Variants in DLG5 observed in about 807,000 individuals in gnomAD.
The protein encoded by DLG5 is discs large MAGUK scaffold protein 5.
DLG5 carries 48 observed loss-of-function variants against 189.8 expected under a neutral mutation model. That is an observed-to-expected ratio of 0.25 (90% CI 0.20 to 0.32). The LOEUF (loss-of-function observed/expected upper bound fraction) is 0.32. DLG5 is among the 10% of genes least tolerant of loss of function. DLG5 has a pLI of 1.00. For missense variants in DLG5, 2,160 were observed against 2,544.7 expected (o/e 0.85, Z 3.25); for synonymous variants, 1,016 against 1,054.1 (o/e 0.96, Z 0.70).
At position 77,809,577 on chromosome 10, in the gene DLG5, G is replaced by A. The variant is rs376551752; in HGVS notation, c.4617C>T (p.Asp1539=). 6.1e-5 allele frequency: 99 copies of A among 1,613,892 alleles called. No homozygotes were observed. Among genetic ancestry groups the A allele is most frequent in the African/African-American group, 1.9e-4 (14 of 74,922 alleles). Residue 1539 remains aspartate (D), a synonymous_variant, in exon 24 of 32, where the codon GAC becomes GAT. Transcript: ENST00000372391. ...VEDDSPAKGP[D]GLVPGDLILE... ...GGATGAGGTCCCCTGGCACGAGGCCGTCAGGACCCTTGGCAGGACTGTCAT... is the reference window on the plus strand; with the variant it reads ...GGATGAGGTCCCCTGGCACGAGGCCATCAGGACCCTTGGCAGGACTGTCAT...
At chr10:77,933,905 G>A in the DLG5 span, among the ~76,000 whole-genome samples, 21 of 150,492 alleles carry the variant, frequency 1.4e-4, no homozygotes, top group South Asian at 2.1e-3. Context: ...AGAGTAGGCC[G>A]GGCACGGTGG....
intron 27 of DLG5, among the ~76,000 whole-genome samples, chr10:77,798,981 T>G (rs1390995324): frequency 2.0e-5 from 3 of 152,130 alleles, no homozygotes; most frequent in Non-Finnish European, 4.4e-5. Context: ...AGAAATACAT[T>G]AAAATGTTAA....
chr10:77,925,090 C>T (rs1445955038), intron 1 of DLG5, among the ~76,000 whole-genome samples: 1 of 152,178 alleles, frequency 6.6e-6, no homozygotes, highest in Non-Finnish European at 1.5e-5. Context: ...ACTGTTAAAA[C>T]AGGGACAAGA....
At chr10:77,891,965 C>T (rs570418402) in intron 1 of DLG5, among the ~76,000 whole-genome samples, 2 of 152,342 alleles carry the variant, frequency 1.3e-5, no homozygotes, top group South Asian at 2.1e-4. Flanking sequence ...CTCGACCCTG[C>T]CTCTTTCTGC....
intron 5 of DLG5, 96 bp downstream of exon 5, chr10:77,853,258 G>T: frequency 8.3e-7 from 1 of 1,206,134 alleles, no homozygotes. Flanking sequence ...GTGAGCCAAC[G>T]TGCCCGGCCC....
chr10:77,894,543 C>CTTTTTTTT (rs35379334), intron 1 of DLG5, among the ~76,000 whole-genome samples: 3 of 95,922 alleles, frequency 3.1e-5, no homozygotes, highest in African/African-American at 8.3e-5. Context: ...AAGAATAAAG[C>CTTTTTTTT]TTTTTTTTTT....
At chr10:77,918,139 G>A (rs184881862) in intron 1 of DLG5, among the ~76,000 whole-genome samples, 64 of 152,010 alleles carry the variant, frequency 4.2e-4, no homozygotes, top group Admixed American at 1.5e-3. Flanking sequence ...GGCCGGGTGC[G>A]GTGGCTCACG....
chr10:77,810,311 G>A (rs1409796511), intron 23 of DLG5, among the ~76,000 whole-genome samples: 1 of 152,182 alleles, frequency 6.6e-6, no homozygotes, highest in Non-Finnish European at 1.5e-5. Flanking sequence ...TGCCAGCCCG[G>A]GAGGAAAACC....
the DLG5 span, among the ~76,000 whole-genome samples, chr10:77,938,618 CA>C: frequency 6.6e-6 from 1 of 152,186 alleles, no homozygotes; most frequent in Non-Finnish European, 1.5e-5. Context: ...AATATAACCC[CA>C]GCCACAAAGC....
intron 7 of DLG5, among the ~76,000 whole-genome samples, chr10:77,839,609 G>A (rs1161618617): frequency 6.6e-6 from 1 of 152,204 alleles, no homozygotes; most frequent in African/African-American, 2.4e-5. Flanking sequence ...AGCAGTTACT[G>A]ACTCGGTCAT....
chr10:77,834,726 C>A (rs1843042205), intron 8 of DLG5, among the ~76,000 whole-genome samples: 1 of 152,084 alleles, frequency 6.6e-6, no homozygotes, highest in Non-Finnish European at 1.5e-5. Context: ...CTCGAATCTC[C>A]CCCAGCCTCA....
At chr10:77,931,677 T>C (rs1424187445), upstream of DLG5, among the ~76,000 whole-genome samples, 3 of 152,078 alleles carry the variant, frequency 2.0e-5, no homozygotes, top group Non-Finnish European at 2.9e-5. Flanking sequence ...ACTGGGGACA[T>C]CTTGTTCTCC....
intron 1 of DLG5, among the ~76,000 whole-genome samples, chr10:77,907,686 G>C (rs1380558089): frequency 6.6e-6 from 1 of 152,152 alleles, no homozygotes; most frequent in Non-Finnish European, 1.5e-5. Context: ...ACAAGGTCCT[G>C]TTATTATCCC....
At chr10:77,841,733 G>A in intron 7 of DLG5, 148 bp downstream of exon 7, 3 of 872,314 alleles carry the variant, frequency 3.4e-6, no homozygotes, top group South Asian at 1.8e-5. Context: ...GGCAGTGTCT[G>A]ATAACCCAGC....
chr10:77,923,135 C>T lies in DLG5; in HGVS notation c.304+3082G>A, dbSNP rs80008271. 1.7e-3 allele frequency among the ~76,000 whole-genome samples: 266 copies of T among 152,314 alleles called. 1 individual carries two copies. The highest frequency in any genetic ancestry group is 6.0e-3 in the African/African-American group (251 of 41,572). On this transcript the variant is annotated intron_variant, in intron 1 of 31. Coordinates refer to ENST00000372391, the MANE Select transcript of DLG5 (RefSeq NM_004747.4). ...GATGGCATCATCTCCAACAGAGAAT[C>T]GGTGCCAAAGCAGCCACCCCTTGAC...
intron 29 of DLG5, 115 bp from the exon 30 acceptor site, chr10:77,795,073 G>C: frequency 1.3e-6 from 1 of 745,270 alleles, no homozygotes; most frequent in Non-Finnish European, 2.3e-6. Context: ...AAACAAGGCA[G>C]TAAAGCCACA....
chr10:77,926,286 G>C lies in DLG5; in HGVS notation c.235C>G (p.Gln79Glu), dbSNP rs1358060167. ...QDLRAALEKT[Q>E]PHLLPILYLN... ...TAGAGAATGGGCAGCAGGTGAGGCT[G>C]CGTCTTCTCCAGCGCCGCCCGCAGG... The change falls in exon 1 of 32, where the codon CAG becomes GAG. Residue 79 changes from glutamine (Q) to glutamate (E), a missense_variant. Gln to Glu is a conservative substitution (Grantham distance 29, BLOSUM62 2). Coordinates refer to ENST00000372391, the MANE Select transcript of DLG5 (RefSeq NM_004747.4). This position sits in a 1 kb window ranked among gnomAD's most constrained non-coding sequence, Gnocchi z 5.2. 6.3e-7 allele frequency: 1 copy of C among 1,591,510 alleles called. No homozygotes were observed. The highest frequency in any genetic ancestry group is 1.4e-5 in the African/African-American group (1 of 73,656).
intron 15 of DLG5, chr10:77,820,874 CTT>C (rs1842311105): frequency 1.7e-6 from 1 of 590,892 alleles, no homozygotes. Flanking sequence ...GTGTTCCCCT[CTT>C]GTGTCACACT....
In DLG5 at chr10:77,816,715, C is replaced by T. The variant is rs1031964058; in HGVS notation, c.3875-14G>A. On this transcript the variant is annotated splice_polypyrimidine_tract_variant and intron_variant, in intron 19 of 31. Coordinates refer to ENST00000372391, the MANE Select transcript of DLG5 (RefSeq NM_004747.4). The stretch of plus-strand genomic sequence containing the variant: ...GTGACACTGAACCTGCAGAGAGGAG[C>T]GGGTAATGCCGGTGTGAACTCCCAT... 3.3e-5 allele frequency: 53 copies of T among 1,587,020 alleles called. No individual in the cohort carries two copies. In the East Asian group the frequency reaches 9.2e-4, roughly 27 times the overall value.
Sources: gnomAD v4.1 joint callset for allele counts (sites outside exome capture counted in the v4.1 genomes callset) on GRCh38, gnomAD v4.1.1 for gene constraint, Gnocchi (gnomAD v3.1) non-coding constraint, MANE v1.5 for transcripts, NCBI Gene and HGNC (gene_info 2026-07-23, HGNC 2026-07-21) for gene names.